RPN2: variants seen among roughly 807,000 people sequenced by gnomAD.
The protein encoded by RPN2 is dolichyl-diphosphooligosaccharide--protein glycosyltransferase subunit 2.
A neutral mutation model predicts 71.4 loss-of-function variants in RPN2; 29 were observed. That is an observed-to-expected ratio of 0.41 (90% CI 0.30 to 0.55). RPN2 has a LOEUF of 0.55. RPN2 is among the 20% of genes least tolerant of loss of function. The pLI is 0.35. For missense variants in RPN2, 726 were observed against 774.1 expected, an observed-to-expected ratio of 0.94 and a Z score of 0.74; for synonymous variants, 308 against 305.0, an observed-to-expected ratio of 1.01 and a Z score of -0.10.
intron 13 of RPN2, 99 bp downstream of exon 13, chr20:37,230,158 T>G: frequency 1.0e-6 from 1 of 955,992 alleles, no homozygotes. Context: ...TGTGATGTTT[T>G]ATAGTTTGAT....
intron 9 of RPN2, among the ~76,000 whole-genome samples, chr20:37,221,462 T>C (rs889578617): frequency 3.9e-5 from 6 of 152,152 alleles, no homozygotes; most frequent in African/African-American, 1.4e-4. Flanking sequence ...CCTCCCAAAG[T>C]GTTGGGATTA....
chr20:37,237,330 T>C (rs2068426577), intron 16 of RPN2, among the ~76,000 whole-genome samples: 1 of 152,212 alleles, frequency 6.6e-6, no homozygotes, highest in Non-Finnish European at 1.5e-5. Context: ...CAAATTTAAA[T>C]GTCACAAAGG....
At chr20:37,238,437 A>G (rs1296624854) in intron 16 of RPN2, 2 of 1,608,106 alleles carry the variant, frequency 1.2e-6, no homozygotes, top group South Asian at 1.1e-5. Flanking sequence ...TTGGCAAAAT[A>G]TAGGACACTA....
At chr20:37,232,113 G>A (rs1395074053) in intron 13 of RPN2, among the ~76,000 whole-genome samples, 183 bp from the exon 14 acceptor site, 1 of 152,210 alleles carries the variant, frequency 6.6e-6, no homozygotes, top group African/African-American at 2.4e-5. Context: ...GGAGACCTCT[G>A]GGATCAAAAG....
chr20:37,205,311 G>A (rs1200038578), intron 6 of RPN2, among the ~76,000 whole-genome samples: 3 of 151,870 alleles, frequency 2.0e-5, no homozygotes, highest in Non-Finnish European at 2.9e-5. Context: ...GCTCAGCAAC[G>A]GCTAAATCTT....
At chr20:37,206,498 C>T (rs907459534) in intron 6 of RPN2, among the ~76,000 whole-genome samples, 11 of 152,048 alleles carry the variant, frequency 7.2e-5, no homozygotes, top group Non-Finnish European at 1.6e-4. Context: ...GTTATTTAGC[C>T]TCCTTTAGCC....
At chr20:37,199,634 A>G (rs2067335669) in intron 4 of RPN2, among the ~76,000 whole-genome samples, 1 of 152,176 alleles carries the variant, frequency 6.6e-6, no homozygotes, top group Admixed American at 6.5e-5. Context: ...GGGGGCTCTC[A>G]GGATCCCTGG....
intron 1 of RPN2, among the ~76,000 whole-genome samples, chr20:37,181,431 C>CTT (rs748226554): frequency 0.021 from 2,683 of 129,404 alleles, 48 homozygotes; most frequent in Non-Finnish European, 0.032. Context: ...TTTTTCTTTT[C>CTT]TTTTTTTTTT....
chr20:37,241,549 C>A lies in RPN2; in HGVS notation c.*234C>A, dbSNP rs575988254. 1.4e-5 allele frequency: 8 copies of A among 587,334 alleles called. No individual in the cohort carries two copies. The highest frequency in any genetic ancestry group is 5.6e-5 in the African/African-American group (3 of 53,218). 36.4% of individuals were successfully genotyped at this position (587,334 alleles called of 1,614,324 possible). On this transcript the variant is annotated 3_prime_UTR_variant, in exon 17 of 17. Transcript: ENST00000237530. ...TGTAAGAAGCTGTGAATATTCCTAA[C>A]TTACCCAGATGTTGCTTTTGAAAAG...
At chr20:37,225,837 A>C (rs1379936865) in intron 11 of RPN2, 35 bp downstream of exon 11, 2 of 1,321,920 alleles carry the variant, frequency 1.5e-6, no homozygotes, top group African/African-American at 2.9e-5. Context: ...TCTTAACCTG[A>C]AATGTGAATG....
In RPN2 at chr20:37,179,381, C is replaced by T. The variant is rs1178190439; in HGVS notation, c.13+12C>T. On this transcript the variant is annotated intron_variant, in intron 1 of 16. Transcript: ENST00000237530. ...AATGGCGCCGCCGGGTGAGGAGTTG[C>T]GCGTGGCTTTGGGGAGAGGGCTGTC... 2.0e-6 allele frequency: 3 copies of T among 1,505,978 alleles called. No homozygotes were observed. The highest frequency in any genetic ancestry group is 2.5e-5 in the East Asian group (1 of 39,246). 93.3% of individuals were successfully genotyped at this position (1,505,978 alleles called of 1,614,324 possible). A position where few individuals can be genotyped will look rare whatever the true frequency, so the allele number is the denominator to read the frequency against.
intron 16 of RPN2, among the ~76,000 whole-genome samples, chr20:37,237,770 G>A (rs1350600757): frequency 6.6e-6 from 1 of 152,174 alleles, no homozygotes; most frequent in Non-Finnish European, 1.5e-5. Flanking sequence ...TTGTACCTGA[G>A]AAAGAGCCAG....
Position 37,198,402 on chromosome 20 carries a change from A to T in RPN2, c.213A>T (p.Ala71=). Residue 71 remains alanine, a synonymous_variant, in exon 3 of 17, where the codon GCA becomes GCT. Coordinates refer to ENST00000237530, the MANE Select transcript of RPN2 (RefSeq NM_002951.5). ...LGAQVPDAKK[A]CTYIRSNLDP... is the part of the protein sequence containing the mutation. ...GACTTTTCCCCACTGTGTAGAAAGC[A>T]TGTACCTACATCAGATCTAACCTTG... is the stretch of plus-strand genomic sequence containing the variant. 1 of 1,614,246 alleles carries T rather than the reference A, an allele frequency of 6.2e-7. No individual in the cohort carries two copies. Among genetic ancestry groups the T allele is most frequent in the Non-Finnish European group, 8.5e-7 (1 of 1,180,036 alleles).
chr20:37,204,701 A>C (rs1386758940), intron 5 of RPN2, 66 bp from the exon 6 acceptor site: 17 of 1,568,120 alleles, frequency 1.1e-5, no homozygotes, highest in Non-Finnish European at 1.3e-5. Flanking sequence ...TGGGGTTGAC[A>C]GTGGTTCGTG....
intron 5 of RPN2, among the ~76,000 whole-genome samples, chr20:37,204,524 T>C (rs2146586884): frequency 1.3e-5 from 2 of 152,308 alleles, no homozygotes; most frequent in Non-Finnish European, 2.9e-5. Context: ...TGGGCCTGCA[T>C]ACAAGGGGCC....
chr20:37,236,086 C>T (rs75612650), intron 15 of RPN2, among the ~76,000 whole-genome samples: 18,127 of 97,828 alleles, frequency 0.19, 1,110 homozygotes, highest in African/African-American at 0.22. Flanking sequence ...CCAATTGTTA[C>T]CCCTGTTTGT....
In RPN2 at chr20:37,223,911, A is replaced by G. The variant is rs2068017227; in HGVS notation, c.1126A>G (p.Thr376Ala). Residue 376 changes from threonine (T) to alanine (A), a missense_variant, in exon 10 of 17, where the codon ACA (threonine) becomes GCA (alanine). By Grantham distance (58) the Thr-to-Ala change is moderately conservative. Transcript: ENST00000237530. Reference sequence around the variant, plus strand: ...CAAGATCTCCACTGAAGTTGGCATCACAAATGTTGATCTTTCCACCGTGGA... The same window carrying G: ...CAAGATCTCCACTGAAGTTGGCATCGCAAATGTTGATCTTTCCACCGTGGA... ...RVKISTEVGITNVDLSTVDKD... is the reference protein window; with the variant it reads ...RVKISTEVGIANVDLSTVDKD... The G allele has an allele frequency of 6.2e-6, 10 of 1,614,036 alleles. 1 individual carries two copies. Among genetic ancestry groups the G allele is most frequent in the Non-Finnish European group, 8.5e-6 (10 of 1,180,018 alleles).
intron 7 of RPN2, among the ~76,000 whole-genome samples, chr20:37,209,402 T>C (rs946498419): frequency 1.3e-5 from 2 of 152,028 alleles, no homozygotes; most frequent in African/African-American, 4.8e-5. Context: ...TAAGTGATCC[T>C]CCCATCTCGG....
At chr20:37,229,050 C>G (rs879871447) in intron 12 of RPN2, among the ~76,000 whole-genome samples, 6 of 152,186 alleles carry the variant, frequency 3.9e-5, no homozygotes, top group Non-Finnish European at 7.3e-5. Flanking sequence ...ATAGCAGGCA[C>G]TATTGGGGTT....
Sources: allele counts gnomAD v4.1 joint callset (sites outside exome capture counted in the v4.1 genomes callset), GRCh38; gene constraint gnomAD v4.1.1; transcripts MANE v1.5; gene names NCBI Gene and HGNC (gene_info 2026-07-23, HGNC 2026-07-21).